The following PHLPP1 variants were observed in gnomAD, a reference collection of about 807,000 sequenced individuals.
PHLPP1 encodes the protein PH domain and leucine rich repeat protein phosphatase 1.
In PHLPP1, 42 loss-of-function variants were observed where a neutral mutation model predicts 117.2. The ratio of observed to expected loss-of-function variants is 0.36; its 90% CI spans 0.28 to 0.46. The LOEUF is 0.46. Ranked by LOEUF, PHLPP1 falls within the 20% of genes least tolerant of loss-of-function variation. The pLI is 1.00. For synonymous variants in PHLPP1, 1,042 were observed against 970.7 expected (o/e 1.07, Z -1.37); for missense variants, 2,084 against 2,241.9 (o/e 0.93, Z 1.42).
chr18:62,973,850 A>T (rs1452034331), intron 15 of PHLPP1, among the ~76,000 whole-genome samples: 4 of 152,196 alleles, frequency 2.6e-5, no homozygotes, highest in African/African-American at 9.7e-5. Context: ...ACTGAAAGTG[A>T]TGTACAGTGA....
intron 4 of PHLPP1, among the ~76,000 whole-genome samples, chr18:62,872,258 G>A (rs2144374147): frequency 1.3e-5 from 2 of 152,316 alleles, no homozygotes; most frequent in South Asian, 4.1e-4. Flanking sequence ...GAGACCAAAG[G>A]AAGATGAGTT....
At chr18:62,745,039 A>C (rs1911636638) in intron 1 of PHLPP1, among the ~76,000 whole-genome samples, 2 of 152,192 alleles carry the variant, frequency 1.3e-5, no homozygotes, top group African/African-American at 4.8e-5. Context: ...GTAATTTTGT[A>C]ATGTTTTAAA....
chr18:62,872,880 G>A (rs962471330), intron 4 of PHLPP1, among the ~76,000 whole-genome samples: 2 of 148,216 alleles, frequency 1.3e-5, no homozygotes, highest in East Asian at 2.0e-4. Flanking sequence ...CCAGCTACTC[G>A]GGAGGCTGAA....
intron 1 of PHLPP1, among the ~76,000 whole-genome samples, chr18:62,808,622 G>A (rs1349408015): frequency 2.0e-5 from 3 of 147,808 alleles, no homozygotes; most frequent in Non-Finnish European, 4.5e-5. Context: ...GCACCATGTT[G>A]GCTCACTGCA....
chr18:62,813,429 A>T (rs1165324583), intron 1 of PHLPP1, among the ~76,000 whole-genome samples: 1 of 152,162 alleles, frequency 6.6e-6, no homozygotes, highest in African/African-American at 2.4e-5. Flanking sequence ...AGAGAGATGG[A>T]GGAAGGAAGG....
At chr18:62,769,801 T>C (rs762230559) in intron 1 of PHLPP1, among the ~76,000 whole-genome samples, 3 of 152,228 alleles carry the variant, frequency 2.0e-5, no homozygotes, top group Admixed American at 1.3e-4. Context: ...TCAACTGTTA[T>C]ACGTGAATCT....
In PHLPP1 at chr18:62,895,132, C is replaced by T. The variant is rs943789599; in HGVS notation, c.2188C>T (p.Pro730Ser). The T allele has an allele frequency of 1.2e-6, 2 of 1,613,864 alleles. No individual in the cohort carries two copies. The highest frequency in any genetic ancestry group is 1.7e-6 in the Non-Finnish European group (2 of 1,179,868). The change falls in exon 5 of 17, where the codon CCG (proline) becomes TCG (serine). Residue 730 changes from proline to serine, a missense_variant. Around this residue, in one of 2 missense-constraint regions of PHLPP1, gnomAD observed 1,365 missense variants for 1,605.9 expected, o/e 0.85. Transcript: ENST00000262719. Reference protein sequence around the residue: ...NVSCNALRSVPAAVGVMHNLQ... With the variant: ...NVSCNALRSVSAAVGVMHNLQ... ...GTCCTGCAATGCCCTGCGATCAGTC[C>T]CGGCAGCCGTTGGAGTGATGCACAA...
intron 8 of PHLPP1, among the ~76,000 whole-genome samples, chr18:62,913,115 A>C (rs1038293481): frequency 1.3e-5 from 2 of 152,150 alleles, no homozygotes; most frequent in Non-Finnish European, 2.9e-5. Context: ...CTTCACTATA[A>C]CACACTACCT....
At chr18:62,843,401 C>T (rs1411755921) in intron 3 of PHLPP1, among the ~76,000 whole-genome samples, 5 of 152,222 alleles carry the variant, frequency 3.3e-5, no homozygotes, top group Admixed American at 2.6e-4. Flanking sequence ...TCTGGATTTT[C>T]AGCTACAAGA....
intron 3 of PHLPP1, among the ~76,000 whole-genome samples, chr18:62,850,058 G>C (rs1187898289): frequency 6.9e-6 from 1 of 144,202 alleles, no homozygotes; most frequent in African/African-American, 2.5e-5. Context: ...TATTAGACTT[G>C]GAAATTAAAC....
intron 3 of PHLPP1, among the ~76,000 whole-genome samples, chr18:62,857,338 A>G (rs1915526220): frequency 6.6e-6 from 1 of 152,192 alleles, no homozygotes; most frequent in Admixed American, 6.5e-5. Context: ...ATTTGTATCA[A>G]GTCAGATTGA....
rs552158508 is a variant in PHLPP1 at position 62,943,681 on chromosome 18, G to A, written c.3162-1428G>A. 8.5e-5 allele frequency among the ~76,000 whole-genome samples: 13 copies of A among 152,198 alleles called. No individual in the cohort carries two copies. The South Asian group carries it at 2.5e-3, about 29-fold the overall frequency. ...GAATTCTCTGATTACCATGGGAAGGGCATCAAGCCATTCATGTGGTATCTG... is the reference window on the plus strand; with the variant it reads ...GAATTCTCTGATTACCATGGGAAGGACATCAAGCCATTCATGTGGTATCTG... On this transcript the variant is annotated intron_variant, in intron 11 of 16. Coordinates refer to ENST00000262719, the MANE Select transcript of PHLPP1 (RefSeq NM_194449.4).
Position 62,715,656 on chromosome 18 carries a change from TGGG to T in PHLPP1, c.-23_-21del. On this transcript the variant is annotated 5_prime_UTR_variant, in exon 1 of 17. Transcript: ENST00000262719. ...CCTCTCCGCCCGCTGCCTCCGGAGC[TGGG>T]GGGGAAACGCGAAGCCCCACTGCAA... is the stretch of plus-strand genomic sequence containing the variant. 1 of 1,261,130 alleles carries T rather than the reference TGGG, an allele frequency of 7.9e-7. No homozygotes were observed. The highest frequency in any genetic ancestry group is 1.0e-6 in the Non-Finnish European group (1 of 1,004,438). The allele number at this position is 1,261,130 out of a possible 1,614,324, so 78.1% of individuals were successfully genotyped here.
At chr18:62,939,523 C>T (rs1401678250) in intron 10 of PHLPP1, among the ~76,000 whole-genome samples, 3 of 152,104 alleles carry the variant, frequency 2.0e-5, no homozygotes, top group Non-Finnish European at 4.4e-5. Flanking sequence ...TGTTTCCTTC[C>T]TACTTCAAAA....
chr18:62,726,323 T>C (rs925544169), intron 1 of PHLPP1, among the ~76,000 whole-genome samples: 7 of 148,894 alleles, frequency 4.7e-5, no homozygotes, highest in Non-Finnish European at 9.0e-5. Flanking sequence ...CTTGCCTGCT[T>C]TTTTTTTTTG....
At position 62,979,047 on chromosome 18, in the gene PHLPP1, C is replaced by G; in HGVS notation, c.4770C>G (p.Ala1590=). The G allele has an allele frequency of 6.2e-7, 1 of 1,613,728 alleles. No homozygotes were observed. Among genetic ancestry groups the G allele is most frequent in the Non-Finnish European group, 8.5e-7 (1 of 1,179,788 alleles). Residue 1590 remains alanine, a synonymous_variant, in exon 17 of 17, where the codon GCC becomes GCG. Transcript: ENST00000262719. Reference sequence around the variant, plus strand: ...ACCTGCTTCAGGTGCCAGCAGAGGCCAGTGATGAGGGCATTGTCATCAGCG... The same window carrying G: ...ACCTGCTTCAGGTGCCAGCAGAGGCGAGTGATGAGGGCATTGTCATCAGCG... The part of the protein sequence containing the change: ...QQHLLQVPAE[A]SDEGIVISAN...
chr18:62,829,731 G>A lies in PHLPP1; in HGVS notation c.1577-304G>A, dbSNP rs140584172. 7.2e-4 allele frequency among the ~76,000 whole-genome samples: 109 copies of A among 152,220 alleles called. No individual in the cohort carries two copies. The East Asian group carries it at 0.019, about 27-fold the overall frequency. ...TGCGCCACTGCACTCCAGCCTGGGT[G>A]ACAGAGCGAAACTCCATCTCAAAAA... On this transcript the variant is annotated intron_variant, in intron 1 of 16. Coordinates refer to ENST00000262719, the MANE Select transcript of PHLPP1 (RefSeq NM_194449.4).
intron 5 of PHLPP1, 63 bp downstream of exon 5, chr18:62,895,220 T>G (rs1010822655): frequency 2.0e-6 from 3 of 1,520,386 alleles, no homozygotes; most frequent in Non-Finnish European, 2.7e-6. Context: ...GCATTGGGGG[T>G]GTGGCACATG....
intron 10 of PHLPP1, among the ~76,000 whole-genome samples, chr18:62,923,974 T>C (rs935030669): frequency 6.6e-6 from 1 of 152,226 alleles, no homozygotes; most frequent in Non-Finnish European, 1.5e-5. Context: ...GCTGGATGCA[T>C]AGGACATTGA....
Sources: allele counts gnomAD v4.1 joint callset (sites outside exome capture counted in the v4.1 genomes callset), GRCh38; gene constraint gnomAD v4.1.1; regional missense constraint gnomAD v4.1.1; transcripts MANE v1.5; gene names NCBI Gene and HGNC (gene_info 2026-07-23, HGNC 2026-07-21).